HTRA3: variants seen among roughly 807,000 people sequenced by gnomAD.
HTRA3 encodes serine protease HTRA3.
HTRA3 carries 41 observed loss-of-function variants against 43.2 expected under a neutral mutation model. The ratio of observed to expected loss-of-function variants is 0.95; its 90% CI spans 0.74 to 1.23. The LOEUF (loss-of-function observed/expected upper bound fraction) is 1.23, where lower values mean the gene tolerates loss of function less well. Ranked by LOEUF, HTRA3 falls within the 50% of genes most tolerant of loss-of-function variation. The probability of loss-of-function intolerance (pLI) is 0.00; values close to 1 mark genes in which losing one functional copy is unlikely to be tolerated. For missense variants in HTRA3, 628 were observed against 647.1 expected (o/e 0.97, Z 0.32); for synonymous variants, 295 against 287.9 (o/e 1.02, Z -0.25).
chr4:8,275,036 C>T (rs947792610), intron 1 of HTRA3, among the ~76,000 whole-genome samples: 16 of 152,194 alleles, frequency 1.1e-4, no homozygotes, highest in Admixed American at 7.8e-4. Flanking sequence ...CCTCCTGCCC[C>T]GCCCACTCCC....
chr4:8,274,216 C>T (rs575865041), intron 1 of HTRA3, among the ~76,000 whole-genome samples: 100 of 152,374 alleles, frequency 6.6e-4, no homozygotes, highest in Non-Finnish European at 1.2e-3. Flanking sequence ...TTTCCCACCT[C>T]GAGGCCTTTG....
At chr4:8,291,829 C>G (rs13129283) in intron 4 of HTRA3, among the ~76,000 whole-genome samples, 139,724 of 152,318 alleles carry the variant, frequency 0.92, 64,302 homozygotes, top group African/African-American at 0.98. Flanking sequence ...CCACAGCCCG[C>G]AAACACCTTT....
chr4:8,281,685 C>T (rs574841337), intron 1 of HTRA3, among the ~76,000 whole-genome samples: 15 of 152,328 alleles, frequency 9.8e-5, no homozygotes, highest in African/African-American at 2.4e-4. Flanking sequence ...CAGGGAACCC[C>T]GAGGGCTGTG....
At chr4:8,287,493 T>C (rs1035728191) in intron 3 of HTRA3, among the ~76,000 whole-genome samples, 2 of 152,066 alleles carry the variant, frequency 1.3e-5, no homozygotes, top group African/African-American at 4.8e-5. Flanking sequence ...TCAGGAGACA[T>C]ACAATCATGA....
At position 8,302,479 on chromosome 4, in the gene HTRA3, C is replaced by A. The variant is rs747782319; in HGVS notation, c.1068C>A (p.Phe356Leu). 1 of 1,614,124 alleles carries A rather than the reference C, an allele frequency of 6.2e-7. No individual in the cohort carries two copies. ...DKQIKDWKKR[F>L]IGIRMRTITP... The stretch of plus-strand genomic sequence containing the variant: ...CATTTCCAGACTGGAAGAAGCGCTT[C>A]ATCGGCATACGGATGCGGACGATCA... The change falls in exon 7 of 9, where the codon TTC (phenylalanine) becomes TTA (leucine). Residue 356 changes from phenylalanine (F) to leucine (L), a missense_variant. Coordinates refer to ENST00000307358, the MANE Select transcript of HTRA3 (RefSeq NM_053044.5).
At chr4:8,285,430 G>A (rs933597719) in intron 2 of HTRA3, among the ~76,000 whole-genome samples, 5 of 152,294 alleles carry the variant, frequency 3.3e-5, no homozygotes, top group Middle Eastern at 3.4e-3. Flanking sequence ...CTCCCTGCAC[G>A]TGCCAGACGC....
At chr4:8,281,330 G>C (rs1712734757) in intron 1 of HTRA3, among the ~76,000 whole-genome samples, 1 of 152,238 alleles carries the variant, frequency 6.6e-6, no homozygotes, top group South Asian at 2.1e-4. Context: ...TGGAAAGCTG[G>C]ACGTTATGGA....
chr4:8,306,114 TCGCAC>T lies in HTRA3; in HGVS notation c.1342_1346del (p.Ala448Ter). ...GGGAACGACGACCTCCTCTTCAGCATCGCACCTGAGGTGGTCATGTGAGGGGCGCA... is the reference window on the plus strand; with the variant it reads ...GGGAACGACGACCTCCTCTTCAGCATCTGAGGTGGTCATGTGAGGGGCGCA... On this transcript the variant is annotated frameshift_variant, in exon 9 of 9. Coordinates refer to ENST00000307358, the MANE Select transcript of HTRA3 (RefSeq NM_053044.5). LOFTEE classifies it high-confidence loss of function. This position sits in a 1 kb window ranked among gnomAD's most constrained non-coding sequence, Gnocchi z 8.9. 1 of 1,599,870 alleles carries T rather than the reference TCGCAC, an allele frequency of 6.3e-7. No individual in the cohort carries two copies. The highest frequency in any genetic ancestry group is 8.5e-7 in the Non-Finnish European group (1 of 1,171,424).
chr4:8,270,487 C>A, intron 1 of HTRA3, 134 bp downstream of exon 1: 2 of 1,006,068 alleles, frequency 2.0e-6, no homozygotes, highest in Non-Finnish European at 2.7e-6. Context: ...ATCCCACCAG[C>A]CCTCTGGTCT....
Position 8,296,636 on chromosome 4 carries a change from G to A in HTRA3, c.1051+2435G>A, listed in dbSNP as rs1713468089. On this transcript the variant is annotated intron_variant, in intron 6 of 8. Coordinates refer to ENST00000307358, the MANE Select transcript of HTRA3 (RefSeq NM_053044.5). This position sits in a 1 kb window ranked among gnomAD's most constrained non-coding sequence, Gnocchi z 5.3. ...TGCATGTTGGGGGAGCCCCAGGAGGGCTTGGGGTCCAGCCAGCCTTAGGAC... is the reference window on the plus strand; with the variant it reads ...TGCATGTTGGGGGAGCCCCAGGAGGACTTGGGGTCCAGCCAGCCTTAGGAC... Among the ~76,000 whole-genome samples, 2 of 152,204 alleles carry A rather than the reference G, an allele frequency of 1.3e-5. No homozygotes were observed. The highest frequency in any genetic ancestry group is 2.9e-5 in the Non-Finnish European group (2 of 68,042).
At chr4:8,275,830 C>G (rs1319593687) in intron 1 of HTRA3, among the ~76,000 whole-genome samples, 1 of 152,196 alleles carries the variant, frequency 6.6e-6, no homozygotes, top group Non-Finnish European at 1.5e-5. Flanking sequence ...AGGAAGCTGC[C>G]CTCGGTCACT....
Position 8,302,412 on chromosome 4 carries a change from G to C in HTRA3, c.1052-51G>C, listed in dbSNP as rs747782927. On this transcript the variant is annotated intron_variant, in intron 6 of 8. Coordinates refer to ENST00000307358, the MANE Select transcript of HTRA3 (RefSeq NM_053044.5). Reference sequence around the variant, plus strand: ...CTCTGCCTGTCCCCTGAGGGAGCGTGGTGGCTTTTCACAGCAGCCCTAACG... The same window carrying C: ...CTCTGCCTGTCCCCTGAGGGAGCGTCGTGGCTTTTCACAGCAGCCCTAACG... 6 of 1,567,682 alleles carry C rather than the reference G, an allele frequency of 3.8e-6. No individual in the cohort carries two copies. The East Asian group carries it at 1.3e-4, about 35-fold the overall frequency.
At chr4:8,281,911 G>A (rs766220833) in intron 1 of HTRA3, among the ~76,000 whole-genome samples, 1 of 152,216 alleles carries the variant, frequency 6.6e-6, no homozygotes, top group Non-Finnish European at 1.5e-5. Flanking sequence ...CACTGTGTCC[G>A]GGCCTGGGTA....
At position 8,296,331 on chromosome 4, in the gene HTRA3, C is replaced by T; in HGVS notation, c.1051+2130C>T. 4 of 985,410 alleles carry T rather than the reference C, an allele frequency of 4.1e-6. No individual in the cohort carries two copies. The highest frequency in any genetic ancestry group is 4.8e-6 in the Non-Finnish European group (4 of 829,950). The allele number at this position is 985,410 out of a possible 1,614,324, so 61.0% of individuals were successfully genotyped here. ...TATCCCCTGTCCTCAGAGCTGTGTC[C>T]CCTCCCCAAGGACAGTGCAGACTAA... On this transcript the variant is annotated intron_variant, in intron 6 of 8. Coordinates refer to ENST00000307358, the MANE Select transcript of HTRA3 (RefSeq NM_053044.5). This position sits in a 1 kb window ranked among gnomAD's most constrained non-coding sequence, Gnocchi z 5.3.
intron 7 of HTRA3, among the ~76,000 whole-genome samples, chr4:8,303,771 T>C (rs1212898540): frequency 6.6e-6 from 1 of 152,152 alleles, no homozygotes; most frequent in Admixed American, 6.6e-5. Flanking sequence ...CTCAGCATTG[T>C]CTGTCCGTTC....
At chr4:8,294,629 C>T (rs1252722420) in intron 6 of HTRA3, among the ~76,000 whole-genome samples, 93 of 6,672 alleles carry the variant, frequency 0.014, 1 homozygote, top group Middle Eastern at 0.17. Context: ...TCCATCCATC[C>T]ATCCATCCAT....
chr4:8,289,066 T>C (rs1287968487), intron 3 of HTRA3, among the ~76,000 whole-genome samples: 15 of 151,906 alleles, frequency 9.9e-5, no homozygotes, highest in Admixed American at 9.8e-4. Flanking sequence ...CTTCCCACCT[T>C]GGCCTTCCAT....
Position 8,269,826 on chromosome 4 carries a change from G to A in HTRA3, c.-143G>A, listed in dbSNP as rs1438659398. 4 of 221,962 alleles carry A rather than the reference G, an allele frequency of 1.8e-5. No individual in the cohort carries two copies. The highest frequency in any genetic ancestry group is 3.1e-5 in the Non-Finnish European group (4 of 130,672). The allele number at this position is 221,962 out of a possible 1,614,324, so 13.7% of individuals were successfully genotyped here. A position where few individuals can be genotyped will look rare whatever the true frequency, so the allele number is the denominator to read the frequency against. On this transcript the variant is annotated 5_prime_UTR_variant, in exon 1 of 9. Coordinates refer to ENST00000307358, the MANE Select transcript of HTRA3 (RefSeq NM_053044.5). Reference sequence around the variant, plus strand: ...GCCCCTGCCGCCCTGACGCCCGCCAGCCTGAGCCACCGGCGCATGTGACCG... The same window carrying A: ...GCCCCTGCCGCCCTGACGCCCGCCAACCTGAGCCACCGGCGCATGTGACCG...
At chr4:8,288,368 G>A (rs1713080082) in intron 3 of HTRA3, among the ~76,000 whole-genome samples, 1 of 152,092 alleles carries the variant, frequency 6.6e-6, no homozygotes, top group African/African-American at 2.4e-5. Flanking sequence ...CCGCCTCCCG[G>A]GTTCAAGCAA....
Sources: gnomAD v4.1 joint callset for allele counts (sites outside exome capture counted in the v4.1 genomes callset) on GRCh38, gnomAD v4.1.1 for gene constraint, Gnocchi (gnomAD v3.1) non-coding constraint, MANE v1.5 for transcripts, NCBI Gene and HGNC (gene_info 2026-07-23, HGNC 2026-07-21) for gene names.